Variants in ING2 observed in about 807,000 individuals in gnomAD.
ING2 encodes inhibitor of growth protein 2.
ING2 carries 7 observed loss-of-function variants against 30.6 expected under a neutral mutation model. That is an observed-to-expected ratio of 0.23 (90% CI 0.13 to 0.43). The LOEUF is 0.43. ING2 is among the 20% of genes least tolerant of loss of function. The probability of loss-of-function intolerance (pLI) is 1.00; values close to 1 mark genes in which losing one functional copy is unlikely to be tolerated. For synonymous variants in ING2, 136 were observed against 121.7 expected (o/e 1.12, Z -0.78); for missense variants, 239 against 334.9 (o/e 0.71, Z 2.24).
rs1734810972 is a variant in ING2 at position 183,511,007 on chromosome 4, T to C, written c.*55T>C. On this transcript the variant is annotated 3_prime_UTR_variant, in exon 2 of 2. Transcript: ENST00000302327. ...TTGTCTTTTATATAATTCGTTTGCT[T>C]TCAGAAAATGTTTTAGGGTAAATGC... 2.9e-6 allele frequency: 4 copies of C among 1,397,824 alleles called. No individual in the cohort carries two copies. The highest frequency in any genetic ancestry group is 3.8e-6 in the Non-Finnish European group (4 of 1,040,784). The allele number at this position is 1,397,824 out of a possible 1,614,324, so 86.6% of individuals were successfully genotyped here.
In ING2 at chr4:183,510,579, C is replaced by G; in HGVS notation, c.470C>G (p.Thr157Ser). ...RSSRRPRRQR[T>S]SESRDLCHMA... ...TCAAGAAGACCCCGCAGGCAGCGGACCAGTGAAAGCCGTGATTTATGTCAC... is the reference window on the plus strand; with the variant it reads ...TCAAGAAGACCCCGCAGGCAGCGGAGCAGTGAAAGCCGTGATTTATGTCAC... The change falls in exon 2 of 2, where the codon ACC (threonine) becomes AGC (serine). Residue 157 changes from threonine to serine, a missense_variant. Coordinates refer to ENST00000302327, the MANE Select transcript of ING2 (RefSeq NM_001564.4). 6.2e-7 allele frequency: 1 copy of G among 1,614,008 alleles called. No individual in the cohort carries two copies.
chr4:183,511,861 G>A lies in ING2; in HGVS notation c.*909G>A, dbSNP rs1420610026. On this transcript the variant is annotated 3_prime_UTR_variant, in exon 2 of 2. Transcript: ENST00000302327. ...GTCTTTAAATATTGCCTTTATGTCA[G>A]AGAGTTGTTTTAAATGGTTTTGCTA... Among the ~76,000 whole-genome samples, 1 of 152,244 alleles carries A rather than the reference G, an allele frequency of 6.6e-6. No individual in the cohort carries two copies. The highest frequency in any genetic ancestry group is 1.5e-5 in the Non-Finnish European group (1 of 68,036).
intron 1 of ING2, chr4:183,506,136 A>T: frequency 8.1e-7 from 1 of 1,237,662 alleles, no homozygotes. Context: ...TGGTCGCGAG[A>T]GGGGCGGTGG....
intron 1 of ING2, among the ~76,000 whole-genome samples, chr4:183,507,636 C>T (rs984983120): frequency 2.0e-5 from 3 of 152,192 alleles, no homozygotes; most frequent in African/African-American, 7.2e-5. Flanking sequence ...AAAAACTCAT[C>T]TAGTTTTCAC....
chr4:183,509,649 G>A (rs1385623442), intron 1 of ING2, among the ~76,000 whole-genome samples: 1 of 150,840 alleles, frequency 6.6e-6, no homozygotes, highest in East Asian at 2.0e-4. Flanking sequence ...GGGTTTCACC[G>A]TGGTCTCGAT....
rs560299876 is a variant in ING2, at chr4:183,506,222, T to C, written c.172+855T>C. The C allele has an allele frequency of 4.3e-5, 56 of 1,303,986 alleles. No individual in the cohort carries two copies. In the Admixed American group the frequency reaches 5.7e-4, roughly 13 times the overall value. The allele number at this position is 1,303,986 out of a possible 1,614,324, so 80.8% of individuals were successfully genotyped here. A position where few individuals can be genotyped will look rare whatever the true frequency, so the allele number is the denominator to read the frequency against. On this transcript the variant is annotated intron_variant, in intron 1 of 1. Coordinates refer to ENST00000302327, the MANE Select transcript of ING2 (RefSeq NM_001564.4). ...GCCCCAGCGGAGTCCGAATCGGGGT[T>C]TGCAGCATGTTTTGCGGTGATGTTT...
At chr4:183,508,266 C>T (rs942067392) in intron 1 of ING2, among the ~76,000 whole-genome samples, 2 of 151,996 alleles carry the variant, frequency 1.3e-5, no homozygotes, top group Non-Finnish European at 2.9e-5. Flanking sequence ...TTTATCTCAT[C>T]TATCAATGTG....
Position 183,511,001 on chromosome 4 carries a change from T to C in ING2, c.*49T>C. On this transcript the variant is annotated 3_prime_UTR_variant, in exon 2 of 2. Coordinates refer to ENST00000302327, the MANE Select transcript of ING2 (RefSeq NM_001564.4). ...GGTTATTTGTCTTTTATATAATTCG[T>C]TTGCTTTCAGAAAATGTTTTAGGGT... 1 of 1,438,266 alleles carries C rather than the reference T, an allele frequency of 7.0e-7. No homozygotes were observed. The highest frequency in any genetic ancestry group is 9.3e-7 in the Non-Finnish European group (1 of 1,074,398). 89.1% of individuals were successfully genotyped at this position (1,438,266 alleles called of 1,614,324 possible). A position where few individuals can be genotyped will look rare whatever the true frequency, so the allele number is the denominator to read the frequency against.
intron 1 of ING2, among the ~76,000 whole-genome samples, chr4:183,506,667 A>C (rs967127483): frequency 1.3e-5 from 2 of 152,264 alleles, no homozygotes; most frequent in South Asian, 2.1e-4. Context: ...CAGTAATCCT[A>C]TACTTTAAAA....
intron 1 of ING2, 152 bp from the exon 2 acceptor site, chr4:183,510,130 T>C (rs1199625028): frequency 1.7e-6 from 1 of 580,594 alleles, no homozygotes; most frequent in Non-Finnish European, 3.0e-6. Context: ...ATGTGGTCTT[T>C]GTATGAAATA....
intron 1 of ING2, among the ~76,000 whole-genome samples, chr4:183,508,506 G>A (rs6830958): frequency 0.74 from 111,830 of 152,070 alleles, 41,531 homozygotes; most frequent in Non-Finnish European, 0.78. Context: ...CTATGCAGGT[G>A]TAAGTACTCT....
intron 1 of ING2, 68 bp downstream of exon 1, chr4:183,505,435 T>C: frequency 7.3e-7 from 1 of 1,377,192 alleles, no homozygotes; most frequent in Non-Finnish European, 9.8e-7. Flanking sequence ...AGTGCCACCT[T>C]CCCTTTCTCC....
rs1560968532 is a variant in ING2 at position 183,505,449 on chromosome 4, GAC to G, written c.172+84_172+85del. ...GAGTGCCACCTTCCCTTTCTCCCGTGACAGTCTCCCCGAGCGCACCGAGGGTC... is the reference window on the plus strand; with the variant it reads ...GAGTGCCACCTTCCCTTTCTCCCGTGAGTCTCCCCGAGCGCACCGAGGGTC... On this transcript the variant is annotated intron_variant, in intron 1 of 1. Transcript: ENST00000302327. 4.5e-6 allele frequency: 6 copies of G among 1,338,274 alleles called. No homozygotes were observed. In the Admixed American group the frequency reaches 1.2e-4, roughly 26 times the overall value. 82.9% of individuals were successfully genotyped at this position (1,338,274 alleles called of 1,614,324 possible). A position where few individuals can be genotyped will look rare whatever the true frequency, so the allele number is the denominator to read the frequency against.
Sources: gnomAD v4.1 joint callset for allele counts (sites outside exome capture counted in the v4.1 genomes callset) on GRCh38, gnomAD v4.1.1 for gene constraint, MANE v1.5 for transcripts, NCBI Gene and HGNC (gene_info 2026-07-23, HGNC 2026-07-21) for gene names.